Variants in USP33 observed in about 807,000 individuals in gnomAD.
USP33 encodes the protein ubiquitin specific peptidase 33.
USP33 carries 46 observed loss-of-function variants against 124.2 expected under a neutral mutation model. The ratio of observed to expected loss-of-function variants is 0.37; its 90% confidence interval spans 0.29 to 0.47. The LOEUF (loss-of-function observed/expected upper bound fraction) is 0.47, where lower values mean the gene tolerates loss of function less well. Among genes scored for constraint, USP33 ranks in the 20% least tolerant of loss-of-function variants. The pLI is 0.99. For missense variants in USP33, 851 were observed against 1,070.6 expected (o/e 0.79, Z 2.86); for synonymous variants, 350 against 352.3 (o/e 0.99, Z 0.07).
chr1:77,717,534 C>T, intron 17 of USP33: 1 of 157,092 alleles, frequency 6.4e-6, no homozygotes, highest in Admixed American at 6.5e-5. Flanking sequence ...TAACTGTATA[C>T]AATTTTCAAT....
intron 14 of USP33, chr1:77,721,413 T>A: frequency 3.4e-6 from 2 of 591,538 alleles, no homozygotes; most frequent in Non-Finnish European, 5.9e-6. Context: ...TCAAATAATA[T>A]CTTTTCCATT....
intron 22 of USP33, among the ~76,000 whole-genome samples, chr1:77,699,443 C>T (rs1211972039): frequency 1.3e-5 from 2 of 152,070 alleles, no homozygotes; most frequent in African/African-American, 2.4e-5. Context: ...TCGTCTGAAC[C>T]CAGGAGGAGG....
intron 6 of USP33, among the ~76,000 whole-genome samples, chr1:77,734,763 A>G (rs998281995): frequency 6.6e-6 from 1 of 152,210 alleles, no homozygotes; most frequent in African/African-American, 2.4e-5. Flanking sequence ...TGACAATGCA[A>G]AAAAACTCGT....
chr1:77,737,418 G>C (rs554878130), intron 5 of USP33, among the ~76,000 whole-genome samples: 1 of 152,308 alleles, frequency 6.6e-6, no homozygotes, highest in South Asian at 2.1e-4. Flanking sequence ...CAGAAGTACA[G>C]AGGCTTAAAT....
chr1:77,703,530 A>C (rs1674273184), intron 21 of USP33, among the ~76,000 whole-genome samples: 4 of 152,198 alleles, frequency 2.6e-5, no homozygotes, highest in Admixed American at 2.6e-4. Context: ...AGGCTGAGGC[A>C]GGAGAATCAC....
chr1:77,740,356 T>G (rs865787557), intron 4 of USP33, among the ~76,000 whole-genome samples: 11 of 147,682 alleles, frequency 7.4e-5, no homozygotes, highest in South Asian at 2.1e-4. Context: ...GATATACACT[T>G]TTTTTTTTTT....
intron 17 of USP33, 80 bp from the exon 18 acceptor site, chr1:77,715,948 T>C (rs543177794): frequency 1.4e-6 from 2 of 1,394,244 alleles, no homozygotes; most frequent in African/African-American, 2.9e-5. Context: ...ATATTTCCAG[T>C]GCCTAGCACA....
chr1:77,737,914 T>C (rs1365163905), intron 5 of USP33, among the ~76,000 whole-genome samples: 6 of 152,224 alleles, frequency 3.9e-5, no homozygotes, highest in Non-Finnish European at 8.8e-5. Flanking sequence ...TTTAAAACTT[T>C]TTCTACTTAT....
intron 6 of USP33, 54 bp downstream of exon 6, chr1:77,736,002 T>C: frequency 5.4e-6 from 7 of 1,293,382 alleles, no homozygotes; most frequent in Non-Finnish European, 7.4e-6. Context: ...TTATATGGTT[T>C]TCTAAAGAAA....
intron 8 of USP33, 91 bp downstream of exon 8, chr1:77,730,527 T>TC (rs1241758816): frequency 2.1e-6 from 2 of 955,644 alleles, no homozygotes; most frequent in East Asian, 5.9e-5. Context: ...TCTACTTTTT[T>TC]CCGGCTCCAT....
chr1:77,724,152 C>T (rs991306312), intron 11 of USP33, among the ~76,000 whole-genome samples: 1 of 152,064 alleles, frequency 6.6e-6, no homozygotes, highest in Non-Finnish European at 1.5e-5. Flanking sequence ...AAGTCATCAT[C>T]AAGCTAAAGA....
At chr1:77,697,548 C>A in intron 23 of USP33, 74 bp from the exon 24 acceptor site, 2 of 1,473,846 alleles carry the variant, frequency 1.4e-6, no homozygotes, top group Non-Finnish European at 1.8e-6. Flanking sequence ...TAATGTACCC[C>A]CCAGCATGAA....
At chr1:77,718,558 ACCACAC>A in intron 16 of USP33, 32 bp downstream of exon 16, 1 of 1,479,864 alleles carries the variant, frequency 6.8e-7, no homozygotes, top group Non-Finnish European at 9.4e-7. Flanking sequence ...TTATGTTCCT[ACCACAC>A]AATATAAGTT....
At chr1:77,705,297 C>A (rs1674503356) in intron 21 of USP33, among the ~76,000 whole-genome samples, 1 of 151,804 alleles carries the variant, frequency 6.6e-6, no homozygotes, top group East Asian at 1.9e-4. Flanking sequence ...CCAATTCAAG[C>A]GATTCTCCTG....
At chr1:77,698,914 A>C (rs1018730304) in intron 22 of USP33, among the ~76,000 whole-genome samples, 1 of 152,246 alleles carries the variant, frequency 6.6e-6, no homozygotes, top group African/African-American at 2.4e-5. Flanking sequence ...AATTTGCTTC[A>C]GATTATCAAA....
At chr1:77,757,542 T>C (rs1239373696) in intron 1 of USP33, among the ~76,000 whole-genome samples, 1 of 151,800 alleles carries the variant, frequency 6.6e-6, no homozygotes, top group African/African-American at 2.4e-5. Flanking sequence ...CATGTACACT[T>C]TTAAAGTTTA....
intron 7 of USP33, among the ~76,000 whole-genome samples, chr1:77,734,012 A>G (rs1162150229): frequency 1.3e-5 from 2 of 152,244 alleles, no homozygotes; most frequent in African/African-American, 4.8e-5. Context: ...CCTTTATTAA[A>G]GGCTTTCCAT....
At chr1:77,711,077 A>G (rs1675194237) in intron 21 of USP33, among the ~76,000 whole-genome samples, 2 of 152,194 alleles carry the variant, frequency 1.3e-5, no homozygotes, top group Admixed American at 1.3e-4. Context: ...ACAAAAGAAT[A>G]TTATATCTCA....
At chr1:77,701,583 C>A (rs937557085) in intron 21 of USP33, 112 bp from the exon 22 acceptor site, 3 of 806,656 alleles carry the variant, frequency 3.7e-6, no homozygotes, top group East Asian at 5.3e-5. Flanking sequence ...GAGGCTGAGG[C>A]AGGAGGAGTC....
Sources: allele counts gnomAD v4.1 joint callset (sites outside exome capture counted in the v4.1 genomes callset), GRCh38; gene constraint gnomAD v4.1.1; transcripts MANE v1.5; gene names NCBI Gene and HGNC (gene_info 2026-07-23, HGNC 2026-07-21).